Variants in CDH10 observed in about 807,000 individuals in gnomAD.
CDH10 encodes cadherin-10.
A neutral mutation model predicts 73.1 loss-of-function variants in CDH10; 30 were observed. The ratio of observed to expected loss-of-function variants is 0.41; its 90% CI spans 0.31 to 0.56. The LOEUF (loss-of-function observed/expected upper bound fraction) is 0.56. Among genes scored for constraint, CDH10 ranks in the 20% least tolerant of loss-of-function variants. The pLI is 0.27. For missense variants in CDH10, 815 were observed against 973.7 expected (o/e 0.84, Z 2.17); for synonymous variants, 345 against 348.2 (o/e 0.99, Z 0.10).
intron 9 of CDH10, among the ~76,000 whole-genome samples, chr5:24,497,333 T>C (rs1280375425): frequency 6.6e-6 from 1 of 151,952 alleles, no homozygotes; most frequent in African/African-American, 2.4e-5. Context: ...GCTTATATCA[T>C]GCTGAGCCTG....
At chr5:24,500,311 G>A (rs952522527) in intron 8 of CDH10, among the ~76,000 whole-genome samples, 2 of 152,182 alleles carry the variant, frequency 1.3e-5, no homozygotes, top group Admixed American at 6.5e-5. Flanking sequence ...AAGGCTGAGC[G>A]AGAATAAAGA....
intron 1 of CDH10, among the ~76,000 whole-genome samples, chr5:24,603,849 T>C (rs540195045): frequency 1.3e-5 from 2 of 152,114 alleles, no homozygotes; most frequent in South Asian, 4.1e-4. Flanking sequence ...AAAAAAGAAA[T>C]GGAAATCATA....
chr5:24,507,105 G>T (rs1742724876), intron 7 of CDH10, among the ~76,000 whole-genome samples: 1 of 151,948 alleles, frequency 6.6e-6, no homozygotes, highest in South Asian at 2.1e-4. Context: ...TTTGATTACT[G>T]TATTAACATT....
intron 2 of CDH10, among the ~76,000 whole-genome samples, chr5:24,559,493 A>G (rs1019766615): frequency 6.6e-6 from 1 of 152,184 alleles, no homozygotes; most frequent in African/African-American, 2.4e-5. Flanking sequence ...ACATTTCACT[A>G]TTGAACTGAT....
At chr5:24,624,357 C>A (rs1747419157) in intron 1 of CDH10, among the ~76,000 whole-genome samples, 1 of 151,968 alleles carries the variant, frequency 6.6e-6, no homozygotes, top group Non-Finnish European at 1.5e-5. Context: ...TTAAATAAAT[C>A]AGATAATAAT....
intron 1 of CDH10, among the ~76,000 whole-genome samples, chr5:24,606,116 A>G (rs1420119011): frequency 6.6e-6 from 1 of 152,228 alleles, no homozygotes; most frequent in African/African-American, 2.4e-5. Flanking sequence ...AATGTTCTCC[A>G]TGTTGACTAC....
chr5:24,531,814 T>C lies in CDH10; in HGVS notation c.814+3298A>G, dbSNP rs541174622. ...TTGGTGCAAGGGTGATCTCAATAAATATTTTTATATCAATGAATTTGTGAT... is the reference window on the plus strand; with the variant it reads ...TTGGTGCAAGGGTGATCTCAATAAACATTTTTATATCAATGAATTTGTGAT... On this transcript the variant is annotated intron_variant, in intron 5 of 11. Transcript: ENST00000264463. Among the ~76,000 whole-genome samples, 332 of 152,196 alleles carry C rather than the reference T, an allele frequency of 2.2e-3. 1 individual carries two copies. The highest frequency in any genetic ancestry group is 3.6e-3 in the Non-Finnish European group (243 of 67,996).
At chr5:24,515,626 A>G (rs1743080255) in intron 5 of CDH10, among the ~76,000 whole-genome samples, 1 of 152,190 alleles carries the variant, frequency 6.6e-6, no homozygotes, top group East Asian at 1.9e-4. Context: ...TTGCCATTAA[A>G]GTCATTCTTT....
chr5:24,569,310 A>C (rs1745280362), intron 2 of CDH10, among the ~76,000 whole-genome samples: 1 of 152,176 alleles, frequency 6.6e-6, no homozygotes, highest in Non-Finnish European at 1.5e-5. Context: ...TATTCTAGAT[A>C]GTAATGATGT....
chr5:24,540,961 G>A (rs1166966180), intron 2 of CDH10, among the ~76,000 whole-genome samples: 1 of 151,898 alleles, frequency 6.6e-6, no homozygotes, highest in Non-Finnish European at 1.5e-5. Flanking sequence ...ATCCTGGCAT[G>A]TAAAAATGTT....
Position 24,619,698 on chromosome 5 carries a change from G to T in CDH10, c.-124+24896C>A, listed in dbSNP as rs574888002. On this transcript the variant is annotated intron_variant, in intron 1 of 11. Transcript: ENST00000264463. The stretch of plus-strand genomic sequence containing the variant: ...TATGTTCCTAAAACATTCATATGTT[G>T]GAATCCTAACCCCCAAGATAATGAT... Among the ~76,000 whole-genome samples the T allele has an allele frequency of 6.6e-5, 10 of 152,224 alleles. No individual in the cohort carries two copies. In the South Asian group the frequency reaches 1.2e-3, roughly 19 times the overall value.
In CDH10 at chr5:24,487,975, C is replaced by A; in HGVS notation, c.2055G>T (p.Lys685Asn). The A allele has an allele frequency of 6.2e-7, 1 of 1,613,836 alleles. No homozygotes were observed. The highest frequency in any genetic ancestry group is 8.5e-7 in the Non-Finnish European group (1 of 1,179,918). ...TTTCTGGAATAATATCTCGCCGGAG[C>A]TTTTTTTCCTCAATGGCTGCAGGAT... ...LRNPAAIEEK[K>N]LRRDIIPETL... Residue 685 changes from lysine to asparagine, a missense_variant, in exon 12 of 12, where the codon AAG becomes AAT. Lys to Asn is a moderately conservative substitution (Grantham distance 94). Coordinates refer to ENST00000264463, the MANE Select transcript of CDH10 (RefSeq NM_006727.5).
At chr5:24,642,869 G>T (rs1748099213) in intron 1 of CDH10, among the ~76,000 whole-genome samples, 1 of 151,524 alleles carries the variant, frequency 6.6e-6, no homozygotes, top group Admixed American at 6.6e-5. Flanking sequence ...GTCAGGGAAG[G>T]CGTATGCATT....
chr5:24,554,964 A>G (rs1744714443), intron 2 of CDH10, among the ~76,000 whole-genome samples: 1 of 151,994 alleles, frequency 6.6e-6, no homozygotes, highest in African/African-American at 2.4e-5. Context: ...TTTATATTAC[A>G]GATTTATTAG....
chr5:24,506,331 C>G (rs987587183), intron 7 of CDH10, among the ~76,000 whole-genome samples: 13 of 152,072 alleles, frequency 8.5e-5, no homozygotes, highest in African/African-American at 1.7e-4. Flanking sequence ...TAAATAGATC[C>G]CATTATCTTT....
intron 2 of CDH10, among the ~76,000 whole-genome samples, chr5:24,581,008 A>C (rs1399542869): frequency 6.6e-6 from 1 of 152,186 alleles, no homozygotes; most frequent in Non-Finnish European, 1.5e-5. Context: ...TACTTGCTTC[A>C]CATCAAGATC....
chr5:24,607,543 G>A (rs7719252), intron 1 of CDH10, among the ~76,000 whole-genome samples: 87,415 of 151,958 alleles, frequency 0.58, 28,435 homozygotes, highest in Admixed American at 0.73. Context: ...TGACTTATAC[G>A]CTAAGCTTAC....
chr5:24,579,407 A>G (rs183384602), intron 2 of CDH10, among the ~76,000 whole-genome samples: 36 of 151,974 alleles, frequency 2.4e-4, no homozygotes, highest in South Asian at 1.0e-3. Flanking sequence ...TCTTGATTAC[A>G]CTGACACTGT....
At chr5:24,512,323 C>T (rs911686421) in intron 5 of CDH10, among the ~76,000 whole-genome samples, 5 of 151,934 alleles carry the variant, frequency 3.3e-5, no homozygotes, top group Non-Finnish European at 5.9e-5. Context: ...TTTTTCATTG[C>T]GTAGATCTGC....
Sources: allele counts gnomAD v4.1 joint callset (sites outside exome capture counted in the v4.1 genomes callset), GRCh38; gene constraint gnomAD v4.1.1; transcripts MANE v1.5; gene names NCBI Gene and HGNC (gene_info 2026-07-23, HGNC 2026-07-21).